The following DLGAP2 variants were observed in gnomAD, a reference collection of about 807,000 sequenced individuals.
The protein encoded by DLGAP2 is disks large-associated protein 2.
A neutral mutation model predicts 100.3 loss-of-function variants in DLGAP2; 26 were observed. The observed-to-expected ratio is 0.26, with a 90% CI of 0.19 to 0.36. DLGAP2 has a LOEUF of 0.36. Ranked by LOEUF, DLGAP2 falls within the 10% of genes least tolerant of loss-of-function variation. The pLI is 1.00. For missense variants in DLGAP2, 1,858 were observed against 1,453.2 expected (o/e 1.28, Z -4.53); for synonymous variants, 886 against 630.1 (o/e 1.41, Z -6.08).
chr8:1,182,611 A>C (rs1033643141), intron 2 of DLGAP2, among the ~76,000 whole-genome samples: 2 of 152,152 alleles, frequency 1.3e-5, no homozygotes, highest in African/African-American at 2.4e-5. Flanking sequence ...CTAGGAAATG[A>C]GTGCTTTTGG....
chr8:1,304,644 A>G (rs1364989462), intron 3 of DLGAP2, among the ~76,000 whole-genome samples: 2 of 152,220 alleles, frequency 1.3e-5, no homozygotes, highest in Admixed American at 6.5e-5. Context: ...GCTACACCTT[A>G]AAGATAAATA....
chr8:822,014 T>C, intron 1 of DLGAP2: 3 of 397,384 alleles, frequency 7.5e-6, no homozygotes, highest in African/African-American at 6.2e-5. Flanking sequence ...TTAATGTACA[T>C]TCCATTTTTT....
chr8:1,564,170 G>C (rs754221526), intron 5 of DLGAP2, among the ~76,000 whole-genome samples: 1 of 152,112 alleles, frequency 6.6e-6, no homozygotes, highest in Non-Finnish European at 1.5e-5. Flanking sequence ...TTGACCTATG[G>C]AGTGAACTTT....
intron 2 of DLGAP2, among the ~76,000 whole-genome samples, chr8:1,017,621 C>G (rs1478832514): frequency 1.4e-5 from 2 of 144,224 alleles, no homozygotes; most frequent in African/African-American, 2.5e-5. Flanking sequence ...GGCGCCTCCA[C>G]TGTGTGTGTG....
At chr8:967,940 G>A (rs1799921063) in intron 2 of DLGAP2, among the ~76,000 whole-genome samples, 1 of 138,030 alleles carries the variant, frequency 7.2e-6, no homozygotes, top group African/African-American at 2.8e-5. Context: ...TGACTATGAT[G>A]TTGTTTTTCT....
At chr8:1,174,497 A>T (rs888402246) in intron 2 of DLGAP2, among the ~76,000 whole-genome samples, 1 of 151,978 alleles carries the variant, frequency 6.6e-6, no homozygotes, top group Non-Finnish European at 1.5e-5. Flanking sequence ...CATCATTACC[A>T]TCATCAAAGT....
intron 2 of DLGAP2, among the ~76,000 whole-genome samples, chr8:1,028,931 G>T (rs1018794850): frequency 7.9e-5 from 12 of 152,214 alleles, no homozygotes; most frequent in African/African-American, 2.7e-4. Context: ...TGACCGAGGG[G>T]CAGCCAGGGC....
At chr8:777,696 T>G (rs2132618454) in intron 1 of DLGAP2, among the ~76,000 whole-genome samples, 1 of 152,320 alleles carries the variant, frequency 6.6e-6, no homozygotes, top group South Asian at 2.1e-4. Flanking sequence ...TCTTCTGGCT[T>G]GTAGGGTTTC....
rs1023144228 is a variant in DLGAP2 at position 1,143,485 on chromosome 8, A to G, written c.74-115366A>G. 7.2e-5 allele frequency among the ~76,000 whole-genome samples: 11 copies of G among 152,304 alleles called. No individual in the cohort carries two copies. In the South Asian group the frequency reaches 8.3e-4, roughly 11 times the overall value. On this transcript the variant is annotated intron_variant, in intron 2 of 14. Coordinates refer to ENST00000637795, the MANE Select transcript of DLGAP2 (RefSeq NM_001346810.2). ...ATATTTACTGAGTTGTGATAGCACT[A>G]TGTTTCAGGAACTGGAACAGGAACC...
At chr8:1,063,626 G>C (rs907166110) in intron 2 of DLGAP2, among the ~76,000 whole-genome samples, 1 of 151,416 alleles carries the variant, frequency 6.6e-6, no homozygotes, top group Non-Finnish European at 1.5e-5. Context: ...TCAGTAAAAG[G>C]ATGTATTAGC....
intron 2 of DLGAP2, among the ~76,000 whole-genome samples, chr8:934,985 G>A (rs1411435120): frequency 6.6e-6 from 1 of 152,190 alleles, no homozygotes; most frequent in Non-Finnish European, 1.5e-5. Context: ...AACCCTCTGA[G>A]TGTGATTTGT....
chr8:1,620,830 C>T (rs937339878), intron 6 of DLGAP2, among the ~76,000 whole-genome samples: 4 of 152,230 alleles, frequency 2.6e-5, no homozygotes, highest in Non-Finnish European at 5.9e-5. Flanking sequence ...TGATTAAGAA[C>T]TTGCAGTACT....
At chr8:985,784 T>G (rs1367636987) in intron 2 of DLGAP2, among the ~76,000 whole-genome samples, 1 of 152,168 alleles carries the variant, frequency 6.6e-6, no homozygotes, top group Non-Finnish European at 1.5e-5. Context: ...TCCCAGTGTT[T>G]CCCCAGATGT....
chr8:1,633,738 G>C (rs997018278), intron 8 of DLGAP2, among the ~76,000 whole-genome samples: 10 of 152,180 alleles, frequency 6.6e-5, no homozygotes, highest in African/African-American at 2.4e-4. Flanking sequence ...GCACATAGAG[G>C]TTAAGGAAAG....
chr8:779,166 C>G (rs185360749), intron 1 of DLGAP2, among the ~76,000 whole-genome samples: 1 of 152,278 alleles, frequency 6.6e-6, no homozygotes, highest in Non-Finnish European at 1.5e-5. Flanking sequence ...CCTTGCGCTT[C>G]CCGAGTGAGG....
chr8:1,165,576 A>C (rs1796999379), intron 2 of DLGAP2, among the ~76,000 whole-genome samples: 1 of 152,250 alleles, frequency 6.6e-6, no homozygotes, highest in South Asian at 2.1e-4. Context: ...TACATCAGCC[A>C]GCAAGACAGG....
At chr8:1,359,421 C>A (rs1801926844) in intron 3 of DLGAP2, among the ~76,000 whole-genome samples, 1 of 152,242 alleles carries the variant, frequency 6.6e-6, no homozygotes, top group Non-Finnish European at 1.5e-5. Flanking sequence ...TTTTTTAAAA[C>A]AGGAAGTAAG....
At chr8:1,024,562 G>A (rs1454246320) in intron 2 of DLGAP2, among the ~76,000 whole-genome samples, 6 of 152,214 alleles carry the variant, frequency 3.9e-5, no homozygotes, top group African/African-American at 7.2e-5. Flanking sequence ...CCCCCGCTGT[G>A]CCCTCTGTGG....
At chr8:1,517,702 C>T (rs1036094621) in intron 4 of DLGAP2, among the ~76,000 whole-genome samples, 1 of 152,210 alleles carries the variant, frequency 6.6e-6, no homozygotes, top group Non-Finnish European at 1.5e-5. Flanking sequence ...TGGCAGGCAG[C>T]AGCATTTGCA....
Sources: gnomAD v4.1 joint callset for allele counts (sites outside exome capture counted in the v4.1 genomes callset) on GRCh38, gnomAD v4.1.1 for gene constraint, MANE v1.5 for transcripts, NCBI Gene and HGNC (gene_info 2026-07-23, HGNC 2026-07-21) for gene names.